Variants in PPP1R12C observed in about 807,000 individuals in gnomAD.
PPP1R12C encodes leukocyte receptor cluster (LRC) encoded novel gene 3.
In PPP1R12C, 48 loss-of-function variants were observed where a neutral mutation model predicts 95.6. The observed-to-expected ratio is 0.50, with a 90% CI of 0.40 to 0.64. PPP1R12C has a LOEUF of 0.64. Among genes scored for constraint, PPP1R12C ranks in the 30% least tolerant of loss-of-function variants. The probability of loss-of-function intolerance (pLI) is 0.00; values close to 1 mark genes in which losing one functional copy is unlikely to be tolerated. For synonymous variants in PPP1R12C, 480 were observed against 460.8 expected (o/e 1.04, Z -0.53); for missense variants, 1,057 against 1,083.3 (o/e 0.98, Z 0.34).
chr19:55,103,333 T>C, intron 4 of PPP1R12C, 76 bp downstream of exon 4: 2 of 1,321,710 alleles, frequency 1.5e-6, no homozygotes, highest in Non-Finnish European at 2.0e-6. Flanking sequence ...GGTACATACA[T>C]TTAAAAAGAA....
At chr19:55,105,335 C>T (rs918894928) in intron 3 of PPP1R12C, among the ~76,000 whole-genome samples, 3 of 152,168 alleles carry the variant, frequency 2.0e-5, no homozygotes, top group Non-Finnish European at 2.9e-5. Context: ...AGTCAGCGCC[C>T]TCTGCATGTC....
Position 55,092,661 on chromosome 19 carries a change from C to G in PPP1R12C, c.1913G>C (p.Gly638Ala). The G allele has an allele frequency of 6.5e-7, 1 of 1,532,030 alleles. No individual in the cohort carries two copies. The highest frequency in any genetic ancestry group is 8.8e-7 in the Non-Finnish European group (1 of 1,141,764). The allele number at this position is 1,532,030 out of a possible 1,614,324, so 94.9% of individuals were successfully genotyped here. A position where few individuals can be genotyped will look rare whatever the true frequency, so the allele number is the denominator to read the frequency against. ...VGKEWRGPAE[G>A]EEAEPADRSQ... ...GCGGTCAGCCGGCTCCGCCTCCTCC[C>G]CCTGTGGGCAGGTAGACGGGGGTTC... The change falls in exon 17 of 22, where the codon GGG becomes GCG. Residue 638 changes from glycine (G) to alanine (A), a missense_variant and splice_region_variant. Physicochemically the swap from Gly to Ala is moderately conservative, Grantham distance 60 (BLOSUM62 0). Around this residue, in one of 5 missense-constraint regions of PPP1R12C, gnomAD observed 347 missense variants for 307.9 expected, o/e 1.13. Coordinates refer to ENST00000263433, the MANE Select transcript of PPP1R12C (RefSeq NM_017607.4).
rs1027379738 is a variant in PPP1R12C, at chr19:55,091,391, G to A, written c.*81C>T. The A allele has an allele frequency of 3.0e-5, 41 of 1,371,160 alleles. No individual in the cohort carries two copies. The highest frequency in any genetic ancestry group is 3.8e-5 in the Non-Finnish European group (37 of 985,194). 84.9% of individuals were successfully genotyped at this position (1,371,160 alleles called of 1,614,324 possible). Reference sequence around the variant, plus strand: ...TCTCTGAGACTTCCCCCGGAGCCCTGTCACTCGTGTTCACACGGGGGAAGG... The same window carrying A: ...TCTCTGAGACTTCCCCCGGAGCCCTATCACTCGTGTTCACACGGGGGAAGG... On this transcript the variant is annotated 3_prime_UTR_variant, in exon 22 of 22. Coordinates refer to ENST00000263433, the MANE Select transcript of PPP1R12C (RefSeq NM_017607.4).
At chr19:55,095,009 C>G in intron 11 of PPP1R12C, 1 of 708,148 alleles carries the variant, frequency 1.4e-6, no homozygotes, top group South Asian at 1.8e-5. Flanking sequence ...AGCAGCAGTG[C>G]GAGAACTGAG....
chr19:55,104,543 A>T (rs1156283208), intron 3 of PPP1R12C, among the ~76,000 whole-genome samples: 3 of 151,620 alleles, frequency 2.0e-5, no homozygotes, highest in Non-Finnish European at 4.4e-5. Flanking sequence ...TCTCTCCTAA[A>T]AATACCAAAA....
Position 55,112,582 on chromosome 19 carries a change from G to A in PPP1R12C, c.456C>T (p.Tyr152=). ...ASCGYLDIAR[Y]LLSHGANIAA... is the part of the protein sequence containing the mutation. ...CGATGTTGGCCCCGTGGCTCAGGAG[G>A]TACCTGGGGGTGGGGGCTGGTCAGG... The change falls in exon 3 of 22, where the codon TAC becomes TAT. Residue 152 remains tyrosine (Y), a synonymous_variant. Coordinates refer to ENST00000263433, the MANE Select transcript of PPP1R12C (RefSeq NM_017607.4). The A allele has an allele frequency of 6.2e-7, 1 of 1,613,266 alleles. No individual in the cohort carries two copies. The highest frequency in any genetic ancestry group is 8.5e-7 in the Non-Finnish European group (1 of 1,179,616).
intron 19 of PPP1R12C, 123 bp from the exon 20 acceptor site, chr19:55,092,032 C>A: frequency 7.8e-7 from 1 of 1,284,724 alleles, no homozygotes; most frequent in Non-Finnish European, 1.1e-6. Flanking sequence ...CCCCCACGGG[C>A]CAGGCCCCGC....
intron 19 of PPP1R12C, 64 bp from the exon 20 acceptor site, chr19:55,091,973 A>G: frequency 6.3e-7 from 1 of 1,587,138 alleles, no homozygotes. Context: ...GAAGGGTCCT[A>G]GGCTCCTGCT....
At position 55,091,296 on chromosome 19, in the gene PPP1R12C, C is replaced by CG. The variant is rs2084836033; in HGVS notation, c.*175dup. ...CGGCCTCCCACCTCCATCCTGGCCT[C>CG]GGGTGGCCCCCTCGGCTCCTGGGGA... is the stretch of plus-strand genomic sequence containing the variant. On this transcript the variant is annotated 3_prime_UTR_variant, in exon 22 of 22. Coordinates refer to ENST00000263433, the MANE Select transcript of PPP1R12C (RefSeq NM_017607.4). 1 of 674,364 alleles carries CG rather than the reference C, an allele frequency of 1.5e-6. No individual in the cohort carries two copies. The highest frequency in any genetic ancestry group is 1.8e-5 in the African/African-American group (1 of 55,340). The allele number at this position is 674,364 out of a possible 1,614,324, so 41.8% of individuals were successfully genotyped here. A position where few individuals can be genotyped will look rare whatever the true frequency, so the allele number is the denominator to read the frequency against.
At position 55,095,589 on chromosome 19, in the gene PPP1R12C, G is replaced by T; in HGVS notation, c.1242C>A (p.Ala414=). 6.4e-7 allele frequency: 1 copy of T among 1,569,056 alleles called. No homozygotes were observed. Among genetic ancestry groups the T allele is most frequent in the Non-Finnish European group, 8.6e-7 (1 of 1,161,824 alleles). ...GGAGGCCAAAGCGCCTGGAGAAGGG[G>T]GCCTCTTCAAGCTGCTGGGAGAAGG... The part of the protein sequence containing the change: ...SPKSPVQLEE[A]PFSRRFGLLK... Residue 414 remains alanine (A), a synonymous_variant, in exon 10 of 22, where the codon GCC becomes GCA. Coordinates refer to ENST00000263433, the MANE Select transcript of PPP1R12C (RefSeq NM_017607.4).
Position 55,094,795 on chromosome 19 carries a change from A to G in PPP1R12C, c.1458T>C (p.Ser486=). 6.3e-7 allele frequency: 1 copy of G among 1,592,768 alleles called. No homozygotes were observed. Among genetic ancestry groups the G allele is most frequent in the Non-Finnish European group, 8.5e-7 (1 of 1,172,170 alleles). The change falls in exon 12 of 22, where the codon TCT becomes TCC. Residue 486 remains serine (S), a synonymous_variant. Coordinates refer to ENST00000263433, the MANE Select transcript of PPP1R12C (RefSeq NM_017607.4). ...SPKLPEPSVL[S]EVTKPPPCLE... ...AGCAAGGAGGAGGCTTGGTGACCTC[A>G]GACCTGCATCAATTCATTCATTCCA...
intron 10 of PPP1R12C, 29 bp from the exon 11 acceptor site, chr19:55,095,387 G>C: frequency 6.3e-7 from 1 of 1,577,438 alleles, no homozygotes; most frequent in Non-Finnish European, 8.6e-7. Flanking sequence ...GGGAGGAAGG[G>C]GCAGTTCCCT....
rs999354748 is a variant in PPP1R12C, at chr19:55,099,099, G to A, written c.732-4C>T. ...GTAGCCAGCCTGAAGGAGCAACCTG[G>A]GGGCCAGGGAGGCTCAGGGTCAGAG... On this transcript the variant is annotated splice_region_variant and splice_polypyrimidine_tract_variant and intron_variant, in intron 4 of 21. Transcript: ENST00000263433. 3 of 1,532,962 alleles carry A rather than the reference G, an allele frequency of 2.0e-6. No individual in the cohort carries two copies. Among genetic ancestry groups the A allele is most frequent in the African/African-American group, 2.7e-5 (2 of 73,040 alleles). The allele number at this position is 1,532,962 out of a possible 1,614,324, so 95.0% of individuals were successfully genotyped here. A position where few individuals can be genotyped will look rare whatever the true frequency, so the allele number is the denominator to read the frequency against.
intron 3 of PPP1R12C, chr19:55,111,610 T>C (rs1938668176): frequency 6.6e-6 from 1 of 151,926 alleles, no homozygotes; most frequent in Non-Finnish European, 1.5e-5. Flanking sequence ...CGCGGAATCC[T>C]ATCCTTTCAG....
chr19:55,098,698 CG>C (rs55805974), intron 6 of PPP1R12C, 85 bp downstream of exon 6: 369,961 of 1,521,588 alleles, frequency 0.24, 47,390 homozygotes, highest in Middle Eastern at 0.26. Flanking sequence ...TGTCAGAAGT[CG>C]GGGGGGTTCC....
At position 55,095,174 on chromosome 19, in the gene PPP1R12C, G is replaced by C. The variant is rs1350143188; in HGVS notation, c.1454+117C>G. The C allele has an allele frequency of 2.6e-6, 3 of 1,160,052 alleles. No individual in the cohort carries two copies. In the East Asian group the frequency reaches 7.7e-5, roughly 30 times the overall value. 71.9% of individuals were successfully genotyped at this position (1,160,052 alleles called of 1,614,324 possible). A position where few individuals can be genotyped will look rare whatever the true frequency, so the allele number is the denominator to read the frequency against. On this transcript the variant is annotated intron_variant, in intron 11 of 21. Transcript: ENST00000263433. ...CAAGAGGAACACAGCACAGGCTCTG[G>C]AGTGGCGGCAGGAACCAGACCCCAG...
chr19:55,117,191 GC>G (rs1196364561), intron 1 of PPP1R12C, 31 bp downstream of exon 1: 2 of 1,220,132 alleles, frequency 1.6e-6, no homozygotes, highest in African/African-American at 1.6e-5. Context: ...GGTGGACCTG[GC>G]CCCGGGAGAC....
rs372592192 is a variant in PPP1R12C, at chr19:55,094,775, G to A, written c.1478C>T (p.Pro493Leu). Residue 493 changes from proline (P) to leucine (L), a missense_variant, in exon 12 of 22, where the codon CCT (proline) becomes CTT (leucine). This residue lies in a region of PPP1R12C where 356 missense variants were observed against 330.5 expected (regional missense o/e 1.08). Coordinates refer to ENST00000263433, the MANE Select transcript of PPP1R12C (RefSeq NM_017607.4). ...SVLSEVTKPP[P>L]CLENSSPPSR... ...GGGAGGCGAGGAGTTCTCCAAGCAAGGAGGAGGCTTGGTGACCTCAGACCT... is the reference window on the plus strand; with the variant it reads ...GGGAGGCGAGGAGTTCTCCAAGCAAAGAGGAGGCTTGGTGACCTCAGACCT... The A allele has an allele frequency of 5.6e-6, 9 of 1,602,482 alleles. No homozygotes were observed. The highest frequency in any genetic ancestry group is 6.8e-6 in the Non-Finnish European group (8 of 1,176,234).
chr19:55,115,907 A>G (rs1378504709), intron 1 of PPP1R12C, among the ~76,000 whole-genome samples: 1 of 152,032 alleles, frequency 6.6e-6, no homozygotes, highest in East Asian at 1.9e-4. Flanking sequence ...AAGTGGACAT[A>G]GGGGCCCGGG....
Sources: allele counts gnomAD v4.1 joint callset (sites outside exome capture counted in the v4.1 genomes callset), GRCh38; gene constraint gnomAD v4.1.1; regional missense constraint gnomAD v4.1.1; transcripts MANE v1.5; gene names NCBI Gene and HGNC (gene_info 2026-07-23, HGNC 2026-07-21).